The following TSPOAP1 variants were observed in gnomAD, a reference collection of about 807,000 sequenced individuals.
The protein encoded by TSPOAP1 is TSPO associated protein 1.
TSPOAP1 carries 87 observed loss-of-function variants against 197.0 expected under a neutral mutation model. The ratio of observed to expected loss-of-function variants is 0.44; its 90% confidence interval spans 0.37 to 0.53. The LOEUF (loss-of-function observed/expected upper bound fraction) is 0.53, where lower values mean the gene tolerates loss of function less well. TSPOAP1 is among the 20% of genes least tolerant of loss of function. The probability of loss-of-function intolerance (pLI) is 0.00; values close to 1 mark genes in which losing one functional copy is unlikely to be tolerated. For missense variants in TSPOAP1, 2,174 were observed against 2,411.3 expected (o/e 0.90, Z 2.06); for synonymous variants, 913 against 998.9 (o/e 0.91, Z 1.62).
In TSPOAP1 at chr17:58,316,009, C is replaced by A. The variant is rs1372496128; in HGVS notation, c.2098+14G>T. Reference sequence around the variant, plus strand: ...CAGGGGAATGGACAGAATGACCCCCCACTACATTCCTACCTTCAAAAAAGC... The same window carrying A: ...CAGGGGAATGGACAGAATGACCCCCAACTACATTCCTACCTTCAAAAAAGC... On this transcript the variant is annotated intron_variant, in intron 16 of 31. Coordinates refer to ENST00000343736, the MANE Select transcript of TSPOAP1 (RefSeq NM_004758.4). 2 of 1,593,888 alleles carry A rather than the reference C, an allele frequency of 1.3e-6. No homozygotes were observed. Among genetic ancestry groups the A allele is most frequent in the East Asian group, 2.2e-5 (1 of 44,774 alleles).
In TSPOAP1 at chr17:58,323,095, C is replaced by G. The variant is rs1005477319; in HGVS notation, c.1105-56G>C. ...GCCCAGCACCCACATTCCCCCTCTC[C>G]CCACACAGAGGACCCTGCCCTCCTC... On this transcript the variant is annotated intron_variant, in intron 7 of 31. Transcript: ENST00000343736. 4 of 1,558,266 alleles carry G rather than the reference C, an allele frequency of 2.6e-6. No homozygotes were observed. In the Admixed American group the frequency reaches 5.5e-5, roughly 21 times the overall value.
chr17:58,316,008 C>G lies in TSPOAP1; in HGVS notation c.2098+15G>C. 6.3e-7 allele frequency: 1 copy of G among 1,590,876 alleles called. No individual in the cohort carries two copies. Among genetic ancestry groups the G allele is most frequent in the Non-Finnish European group, 8.6e-7 (1 of 1,159,032 alleles). On this transcript the variant is annotated intron_variant, in intron 16 of 31. Transcript: ENST00000343736. ...GCAGGGGAATGGACAGAATGACCCC[C>G]CACTACATTCCTACCTTCAAAAAAG...
Position 58,304,736 on chromosome 17 carries a change from C to T in TSPOAP1, c.5544+325G>A, listed in dbSNP as rs974544260. ...GGGTGGGAGTGTCCTGAAACAGGGA[C>T]TTTGATTGGCCACAGGTGTGAGGCA... On this transcript the variant is annotated intron_variant, in intron 30 of 31. Coordinates refer to ENST00000343736, the MANE Select transcript of TSPOAP1 (RefSeq NM_004758.4). The surrounding 1 kb of genome is among the most constrained non-coding windows in gnomAD (Gnocchi z 4.2). The T allele has an allele frequency of 5.3e-6, 3 of 567,568 alleles. No homozygotes were observed. Among genetic ancestry groups the T allele is most frequent in the African/African-American group, 3.7e-5 (2 of 53,354 alleles). 35.2% of individuals were successfully genotyped at this position (567,568 alleles called of 1,614,324 possible). A position where few individuals can be genotyped will look rare whatever the true frequency, so the allele number is the denominator to read the frequency against.
chr17:58,325,988 A>G (rs1004945303), intron 3 of TSPOAP1, among the ~76,000 whole-genome samples: 5 of 152,160 alleles, frequency 3.3e-5, no homozygotes, highest in African/African-American at 1.2e-4. Flanking sequence ...CTCCAGCTCT[A>G]TACCCTGAGA....
intron 20 of TSPOAP1, 149 bp from the exon 21 acceptor site, chr17:58,310,307 CAG>C: frequency 1.8e-6 from 2 of 1,125,234 alleles, no homozygotes; most frequent in Admixed American, 2.7e-5. Context: ...CACCATGGCT[CAG>C]GGGCAGGGTG....
chr17:58,311,606 C>A lies in TSPOAP1; in HGVS notation c.3046G>T (p.Val1016Phe), dbSNP rs750049454. 6.2e-7 allele frequency: 1 copy of A among 1,605,470 alleles called. No individual in the cohort carries two copies. Among genetic ancestry groups the A allele is most frequent in the Admixed American group, 1.7e-5 (1 of 59,418 alleles). The stretch of plus-strand genomic sequence containing the variant: ...TCAGCGTAGATGGCATAGCCTGTGA[C>A]CCGGACACCGTTGGATGTGCCAGCA... ...DAAGTSNGVR[V>F]TGYAIYADGQ... The change falls in exon 18 of 32, where the codon GTC (valine) becomes TTC (phenylalanine). Residue 1016 changes from valine to phenylalanine, a missense_variant. Transcript: ENST00000343736.
rs535099487 is a variant in TSPOAP1, at chr17:58,323,620, C to T, written c.943-75G>A. The T allele has an allele frequency of 2.2e-4, 335 of 1,498,048 alleles. 1 individual carries two copies. The African/African-American group carries it at 4.5e-3, about 20-fold the overall frequency. 92.8% of individuals were successfully genotyped at this position (1,498,048 alleles called of 1,614,324 possible). On this transcript the variant is annotated intron_variant, in intron 5 of 31. Transcript: ENST00000343736. ...GGCAGCCTGCCCCAGCCCAGCCTGC[C>T]CAGAGCAGGTTCCCACCCCATCATT...
rs565527058 is a variant in TSPOAP1, at chr17:58,304,033, T to G, written c.*32+305A>C. The G allele has an allele frequency of 6.2e-6, 2 of 323,632 alleles. No homozygotes were observed. The highest frequency in any genetic ancestry group is 6.1e-5 in the East Asian group (1 of 16,426). 20.0% of individuals were successfully genotyped at this position (323,632 alleles called of 1,614,324 possible). On this transcript the variant is annotated intron_variant, in intron 31 of 31. Coordinates refer to ENST00000343736, the MANE Select transcript of TSPOAP1 (RefSeq NM_004758.4). This position sits in a 1 kb window ranked among gnomAD's most constrained non-coding sequence, Gnocchi z 4.2. ...GATGAGTCCTAATATGGATGTCACG[T>G]CATGTTCTATAAACCACATGTGTTA...
At position 58,326,738 on chromosome 17, in the gene TSPOAP1, G is replaced by A. The variant is rs748701912; in HGVS notation, c.386C>T (p.Ala129Val). ...ACAGCGCTGCCGCAGCTCCCCCAGG[G>A]CCCTCAGCAGCTCCAGATTGGGCCT... Reference protein sequence around the residue: ...GDRPNLELLRALGELRQRCAI... With the variant: ...GDRPNLELLRVLGELRQRCAI... The change falls in exon 2 of 32, where the codon GCC (alanine) becomes GTC (valine). Residue 129 changes from alanine to valine, a missense_variant. By Grantham distance (64) the Ala-to-Val change is moderately conservative (BLOSUM62 0). Coordinates refer to ENST00000343736, the MANE Select transcript of TSPOAP1 (RefSeq NM_004758.4). This position sits in a 1 kb window ranked among gnomAD's most constrained non-coding sequence, Gnocchi z 4.7. The A allele has an allele frequency of 1.0e-4, 167 of 1,613,992 alleles. 4 individuals carry two copies. In the South Asian group the frequency reaches 1.6e-3, roughly 16 times the overall value.
Position 58,304,479 on chromosome 17 carries a change from G to A in TSPOAP1, c.5545-80C>T, listed in dbSNP as rs375340296. The A allele has an allele frequency of 8.7e-6, 10 of 1,155,074 alleles. No homozygotes were observed. Among genetic ancestry groups the A allele is most frequent in the Admixed American group, 5.1e-5 (3 of 59,268 alleles). 71.6% of individuals were successfully genotyped at this position (1,155,074 alleles called of 1,614,324 possible). A position where few individuals can be genotyped will look rare whatever the true frequency, so the allele number is the denominator to read the frequency against. ...CCGCCCGGCCACCAGGTGGCCCTGC[G>A]CAGGGGTGGGCCCTACTCTCCAAGG... On this transcript the variant is annotated intron_variant, in intron 30 of 31. Coordinates refer to ENST00000343736, the MANE Select transcript of TSPOAP1 (RefSeq NM_004758.4). This position sits in a 1 kb window ranked among gnomAD's most constrained non-coding sequence, Gnocchi z 4.2.
At position 58,306,379 on chromosome 17, in the gene TSPOAP1, T is replaced by C. The variant is rs919315805; in HGVS notation, c.5187A>G (p.Thr1729=). Residue 1729 remains threonine, a synonymous_variant, in exon 26 of 32, where the codon ACA becomes ACG. Transcript: ENST00000343736. ...GGCGGGGCTTGGGAGGAGGCCCAGT[T>C]GTGTGGGCTGTGGAGTACACAAACG... ...NGPFVYSTAH[T]TGPPPKPRRS... is the part of the protein sequence containing the mutation. The C allele has an allele frequency of 1.9e-6, 3 of 1,554,932 alleles. No individual in the cohort carries two copies. The highest frequency in any genetic ancestry group is 1.4e-5 in the African/African-American group (1 of 73,142).
intron 27 of TSPOAP1, 48 bp downstream of exon 27, chr17:58,305,785 C>G (rs1247130695): frequency 3.1e-6 from 5 of 1,609,028 alleles, no homozygotes; most frequent in Non-Finnish European, 4.2e-6. Context: ...AGGGGCCACC[C>G]ACCCTATCTC....
In TSPOAP1 at chr17:58,310,940, G is replaced by A. The variant is rs776083858; in HGVS notation, c.3355C>T (p.Pro1119Ser). 6.4e-7 allele frequency: 1 copy of A among 1,567,080 alleles called. No individual in the cohort carries two copies. The highest frequency in any genetic ancestry group is 8.6e-7 in the Non-Finnish European group (1 of 1,160,908). The change falls in exon 19 of 32, where the codon CCT becomes TCT. Residue 1119 changes from proline (P) to serine (S), a missense_variant. Physicochemically the swap from Pro to Ser is moderately conservative, Grantham distance 74. Coordinates refer to ENST00000343736, the MANE Select transcript of TSPOAP1 (RefSeq NM_004758.4). ...PGDPSSPLQH[P>S]APLGTQEPPG... ...GGCTCTTGAGTTCCAAGGGGAGCAG[G>A]GTGCTGGAGAGGAGAGCTGGGGTCT...
chr17:58,310,456 G>A (rs964153825), intron 20 of TSPOAP1, 56 bp downstream of exon 20: 204 of 1,594,608 alleles, frequency 1.3e-4, no homozygotes, highest in Middle Eastern at 1.7e-4. Flanking sequence ...CTGGCAAAAG[G>A]TAGGGAGACA....
intron 5 of TSPOAP1, among the ~76,000 whole-genome samples, chr17:58,323,783 G>A (rs1971474595): frequency 6.6e-6 from 1 of 152,234 alleles, no homozygotes; most frequent in South Asian, 2.1e-4. Context: ...TTGAGATCCT[G>A]GGACCCACGT....
In TSPOAP1 at chr17:58,326,266, C is replaced by T; in HGVS notation, c.570+27G>A. ...CTCCCCTCTTCCTTGGTCACCCAGCCTCCGCCCAGCAGCCTCCTTTCCTCA... is the reference window on the plus strand; with the variant it reads ...CTCCCCTCTTCCTTGGTCACCCAGCTTCCGCCCAGCAGCCTCCTTTCCTCA... On this transcript the variant is annotated intron_variant, in intron 3 of 31. Transcript: ENST00000343736. The surrounding 1 kb of genome is among the most constrained non-coding windows in gnomAD (Gnocchi z 4.7). The T allele has an allele frequency of 6.2e-7, 1 of 1,612,564 alleles. No homozygotes were observed. Among genetic ancestry groups the T allele is most frequent in the Non-Finnish European group, 8.5e-7 (1 of 1,179,278 alleles).
intron 5 of TSPOAP1, 73 bp from the exon 6 acceptor site, chr17:58,323,618 G>A (rs1971467716): frequency 2.0e-6 from 3 of 1,505,876 alleles, no homozygotes; most frequent in East Asian, 4.5e-5. Context: ...AGCCCAGCCT[G>A]CCCAGAGCAG....
In TSPOAP1 at chr17:58,301,464, C is replaced by T. The variant is rs1970721288; in HGVS notation, c.*1016G>A. 6.6e-6 allele frequency: 1 copy of T among 152,650 alleles called. No homozygotes were observed. The highest frequency in any genetic ancestry group is 6.5e-5 in the Admixed American group (1 of 15,280). The allele number at this position is 152,650 out of a possible 1,614,324, so 9.5% of individuals were successfully genotyped here. A position where few individuals can be genotyped will look rare whatever the true frequency, so the allele number is the denominator to read the frequency against. On this transcript the variant is annotated 3_prime_UTR_variant, in exon 32 of 32. Coordinates refer to ENST00000343736, the MANE Select transcript of TSPOAP1 (RefSeq NM_004758.4). Reference sequence around the variant, plus strand: ...AACAGGGAATGTATGAAAATAGCTGCATAAATCTGTCCTTTTCTCCAGCCC... The same window carrying T: ...AACAGGGAATGTATGAAAATAGCTGTATAAATCTGTCCTTTTCTCCAGCCC...
At chr17:58,311,275 C>CACTGACAGCAGTGGCAGCTA (rs1039911882) in intron 18 of TSPOAP1, 62 bp from the exon 19 acceptor site, 29 of 1,580,998 alleles carry the variant, frequency 1.8e-5, no homozygotes, top group Admixed American at 3.6e-5. Context: ...CGTGAGGATG[C>CACTGACAGCAGTGGCAGCTA]ACTGACAGCA....
Sources: allele counts gnomAD v4.1 joint callset (sites outside exome capture counted in the v4.1 genomes callset), GRCh38; gene constraint gnomAD v4.1.1; non-coding constraint Gnocchi (gnomAD v3.1); transcripts MANE v1.5; gene names NCBI Gene and HGNC (gene_info 2026-07-23, HGNC 2026-07-21).